Variants in ZNF629 observed in about 807,000 individuals in gnomAD.
ZNF629 encodes DNA-binding protein.
Under a neutral mutation model 59.7 loss-of-function variants are expected in ZNF629, and 9 were observed. That is an observed-to-expected ratio of 0.15 (90% CI 0.09 to 0.26). ZNF629 has a LOEUF of 0.26. Ranked by LOEUF, ZNF629 falls within the 10% of genes least tolerant of loss-of-function variation. The pLI is 1.00. For missense variants in ZNF629, 853 were observed against 1,165.4 expected, an observed-to-expected ratio of 0.73 and a Z score of 3.90; for synonymous variants, 509 against 498.9, an observed-to-expected ratio of 1.02 and a Z score of -0.27.
In ZNF629 at chr16:30,786,774, G is replaced by A. The variant is rs1000387459; in HGVS notation, c.-34+254C>T. Among the ~76,000 whole-genome samples, 32 of 151,852 alleles carry A rather than the reference G, an allele frequency of 2.1e-4. No individual in the cohort carries two copies. The highest frequency in any genetic ancestry group is 7.0e-4 in the African/African-American group (29 of 41,346). On this transcript the variant is annotated intron_variant, in intron 1 of 2. Coordinates refer to ENST00000262525, the MANE Select transcript of ZNF629 (RefSeq NM_001080417.3). This position sits in a 1 kb window ranked among gnomAD's most constrained non-coding sequence, Gnocchi z 4.8. ...GCTCCTCCAGGGCTGCGCTGGCAGC[G>A]CTGGTCCCCGGCCCCGGCCGATCCC... is the stretch of plus-strand genomic sequence containing the variant.
Position 30,781,731 on chromosome 16 carries a change from C to A in ZNF629, c.2597G>T (p.Gly866Val), listed in dbSNP as rs780776546. The change falls in exon 3 of 3, where the codon GGT becomes GTT. Residue 866 changes from glycine to valine, a missense_variant. Physicochemically the swap from Gly to Val is moderately radical, Grantham distance 109. Coordinates refer to ENST00000262525, the MANE Select transcript of ZNF629 (RefSeq NM_001080417.3). ...ALLLHRSCHPGVSL is the reference protein window; with the variant it reads ...ALLLHRSCHPVVSL ...TCCAGACCCATTTCACAGGGAGACACCTGGGTGGCAGCTCCTATGGAGCAG... is the reference window on the plus strand; with the variant it reads ...TCCAGACCCATTTCACAGGGAGACAACTGGGTGGCAGCTCCTATGGAGCAG... 2 of 1,610,514 alleles carry A rather than the reference C, an allele frequency of 1.2e-6. No homozygotes were observed. Among genetic ancestry groups the A allele is most frequent in the Admixed American group, 1.7e-5 (1 of 59,484 alleles).
chr16:30,784,549 G>A, intron 1 of ZNF629, 34 bp from the exon 2 acceptor site: 7 of 1,456,244 alleles, frequency 4.8e-6, no homozygotes, highest in Non-Finnish European at 4.6e-6. Context: ...CGCACACTGG[G>A]AGCTGATTTT....
In ZNF629 at chr16:30,782,180, G is replaced by A. The variant is rs368778623; in HGVS notation, c.2148C>T (p.Cys716=). 76 of 1,613,388 alleles carry A rather than the reference G, an allele frequency of 4.7e-5. No individual in the cohort carries two copies. Among genetic ancestry groups the A allele is most frequent in the Non-Finnish European group, 6.4e-5 (76 of 1,179,878 alleles). The change falls in exon 3 of 3, where the codon TGC becomes TGT. Residue 716 remains cysteine, a synonymous_variant. Coordinates refer to ENST00000262525, the MANE Select transcript of ZNF629 (RefSeq NM_001080417.3). ...GGCCAAAGCTTTGTTTGCATTCAGG[G>A]CATTTAAAGGGCTTCCCACTTAAGA... ...SPFLSGKPFK[C]PECKQSFGLS... is the part of the protein sequence containing the mutation.
In ZNF629 at chr16:30,779,191, A is replaced by T. The variant is rs1212623611; in HGVS notation, c.*2527T>A. 6.6e-6 allele frequency: 1 copy of T among 152,238 alleles called. No individual in the cohort carries two copies. The highest frequency in any genetic ancestry group is 1.5e-5 in the Non-Finnish European group (1 of 68,094). The allele number at this position is 152,238 out of a possible 1,614,324, so 9.4% of individuals were successfully genotyped here. On this transcript the variant is annotated 3_prime_UTR_variant, in exon 3 of 3. Coordinates refer to ENST00000262525, the MANE Select transcript of ZNF629 (RefSeq NM_001080417.3). ...TCACCCATCCCTACAACATGTGAGC[A>T]TCCTACTAAATATGCTACACCCTAG...
At position 30,784,520 on chromosome 16, in the gene ZNF629, G is replaced by T; in HGVS notation, c.-33-5C>A. 6.6e-7 allele frequency: 1 copy of T among 1,504,818 alleles called. No individual in the cohort carries two copies. The highest frequency in any genetic ancestry group is 8.9e-7 in the Non-Finnish European group (1 of 1,129,248). The allele number at this position is 1,504,818 out of a possible 1,614,324, so 93.2% of individuals were successfully genotyped here. ...GACTGCAGTGTTCCAGGGACCCTGC[G>T]GGGGAAGACAGCGATGAGCGCACAC... On this transcript the variant is annotated splice_region_variant and splice_polypyrimidine_tract_variant and intron_variant, in intron 1 of 2. Coordinates refer to ENST00000262525, the MANE Select transcript of ZNF629 (RefSeq NM_001080417.3).
Position 30,783,920 on chromosome 16 carries a change from C to A in ZNF629, c.408G>T (p.Arg136=), listed in dbSNP as rs773087553. Reference sequence around the variant, plus strand: ...CCGCCGGGCGGCCCTGCACCAGCTCCCGCAGGCTGGGCTCGTTGGCGGGGA... The same window carrying A: ...CCGCCGGGCGGCCCTGCACCAGCTCACGCAGGCTGGGCTCGTTGGCGGGGA... ...PVVPANEPSL[R]ELVQGRPAGA... is the part of the protein sequence containing the mutation. The change falls in exon 3 of 3, where the codon CGG becomes CGT. Residue 136 remains arginine, a synonymous_variant. Coordinates refer to ENST00000262525, the MANE Select transcript of ZNF629 (RefSeq NM_001080417.3). The A allele has an allele frequency of 8.8e-6, 14 of 1,594,904 alleles. No homozygotes were observed. The highest frequency in any genetic ancestry group is 1.2e-5 in the Non-Finnish European group (14 of 1,169,998).
chr16:30,784,410 C>A lies in ZNF629; in HGVS notation c.73G>T (p.Gly25Cys). 1 of 1,566,850 alleles carries A rather than the reference C, an allele frequency of 6.4e-7. No homozygotes were observed. The highest frequency in any genetic ancestry group is 1.4e-5 in the African/African-American group (1 of 73,934). ...CGCAGCCCCTTCTTGTGCCCCTCAC[C>A]TCTGTGAGCATCGTTGGGGCTCTGT... ...PEQSPNDAHR[G>C]AESENEEESP... The change falls in exon 2 of 3, where the codon GGT becomes TGT. Residue 25 changes from glycine to cysteine, a missense_variant and splice_region_variant. By Grantham distance (159) the Gly-to-Cys change is radical (BLOSUM62 -3). Coordinates refer to ENST00000262525, the MANE Select transcript of ZNF629 (RefSeq NM_001080417.3).
chr16:30,783,990 C>G lies in ZNF629; in HGVS notation c.338G>C (p.Ser113Thr), dbSNP rs762503255. 5.7e-5 allele frequency: 89 copies of G among 1,574,634 alleles called. No homozygotes were observed. Among genetic ancestry groups the G allele is most frequent in the East Asian group, 1.1e-4 (5 of 44,228 alleles). The change falls in exon 3 of 3, where the codon AGC (serine) becomes ACC (threonine). Residue 113 changes from serine (S) to threonine (T), a missense_variant. Around this residue, in one of 3 missense-constraint regions of ZNF629, gnomAD observed 232 missense variants for 193.4 expected, o/e 1.20. Transcript: ENST00000262525. The part of the protein sequence containing the change: ...PSDWTKACEA[S>T]WQWGALTTWN... ...TGTGGTGAGAGCGCCCCACTGCCAGCTGGCCTCGCAGGCCTTGGTCCAGTC... is the reference window on the plus strand; with the variant it reads ...TGTGGTGAGAGCGCCCCACTGCCAGGTGGCCTCGCAGGCCTTGGTCCAGTC...
In ZNF629 at chr16:30,782,693, C is replaced by T. The variant is rs2054295047; in HGVS notation, c.1635G>A (p.Arg545=). Reference sequence around the variant, plus strand: ...GCCCCAGCAGGCTGTCGCCCTGGGCCCTACGCGCTGGGGTCTTCCCCCTCT... The same window carrying T: ...GCCCCAGCAGGCTGTCGCCCTGGGCTCTACGCGCTGGGGTCTTCCCCCTCT... ...IHERGKTPAR[R]AQGDSLLGLG... Residue 545 remains arginine, a synonymous_variant, in exon 3 of 3, where the codon AGG becomes AGA. Coordinates refer to ENST00000262525, the MANE Select transcript of ZNF629 (RefSeq NM_001080417.3). 3 of 1,608,204 alleles carry T rather than the reference C, an allele frequency of 1.9e-6. No individual in the cohort carries two copies. Among genetic ancestry groups the T allele is most frequent in the Non-Finnish European group, 2.5e-6 (3 of 1,177,702 alleles).
In ZNF629 at chr16:30,781,773, G is replaced by A. The variant is rs979625449; in HGVS notation, c.2555C>T (p.Thr852Ile). ...YLCPECGAGF[T>I]EVAALLLHRS... ...ATGGAGCAGGAGGGCTGCGACTTCT[G>A]TGAAGCCGGCTCCACACTCGGGGCA... Residue 852 changes from threonine to isoleucine, a missense_variant, in exon 3 of 3, where the codon ACA becomes ATA. Physicochemically the swap from Thr to Ile is moderately conservative, Grantham distance 89. Coordinates refer to ENST00000262525, the MANE Select transcript of ZNF629 (RefSeq NM_001080417.3). 5.0e-6 allele frequency: 8 copies of A among 1,612,568 alleles called. No individual in the cohort carries two copies. Among genetic ancestry groups the A allele is most frequent in the African/African-American group, 1.3e-5 (1 of 74,836 alleles).
rs559048471 is a variant in ZNF629, at chr16:30,781,697, C to T, written c.*21G>A. Reference sequence around the variant, plus strand: ...GTGTTCCTCTCTGGAGAGAGCGAGGCCCCTGGTCTCCAGACCCATTTCACA... The same window carrying T: ...GTGTTCCTCTCTGGAGAGAGCGAGGTCCCTGGTCTCCAGACCCATTTCACA... On this transcript the variant is annotated 3_prime_UTR_variant, in exon 3 of 3. Transcript: ENST00000262525. 8 of 1,580,302 alleles carry T rather than the reference C, an allele frequency of 5.1e-6. No homozygotes were observed. Among genetic ancestry groups the T allele is most frequent in the Admixed American group, 3.8e-5 (2 of 53,292 alleles).
At position 30,784,009 on chromosome 16, in the gene ZNF629, T is replaced by C; in HGVS notation, c.319A>G (p.Thr107Ala). ...PEVVPTPSDWTKACEASWQWG... is the reference protein window; with the variant it reads ...PEVVPTPSDWAKACEASWQWG... ...TGCCAGCTGGCCTCGCAGGCCTTGGTCCAGTCAGATGGGGTAGGGACTACC... is the reference window on the plus strand; with the variant it reads ...TGCCAGCTGGCCTCGCAGGCCTTGGCCCAGTCAGATGGGGTAGGGACTACC... The change falls in exon 3 of 3, where the codon ACC becomes GCC. Residue 107 changes from threonine (T) to alanine (A), a missense_variant. By Grantham distance (58) the Thr-to-Ala change is moderately conservative (BLOSUM62 0). This residue lies in a region of ZNF629 where 232 missense variants were observed against 193.4 expected (regional missense o/e 1.20). Coordinates refer to ENST00000262525, the MANE Select transcript of ZNF629 (RefSeq NM_001080417.3). The C allele has an allele frequency of 6.4e-7, 1 of 1,574,430 alleles. No homozygotes were observed. The highest frequency in any genetic ancestry group is 8.6e-7 in the Non-Finnish European group (1 of 1,161,064).
chr16:30,783,892 C>T lies in ZNF629; in HGVS notation c.436G>A (p.Ala146Thr). Residue 146 changes from alanine (A) to threonine (T), a missense_variant, in exon 3 of 3, where the codon GCG becomes ACG. By Grantham distance (58) the Ala-to-Thr change is moderately conservative. This residue lies in a region of ZNF629 where 232 missense variants were observed against 193.4 expected (regional missense o/e 1.20). Transcript: ENST00000262525. ...TCGTTGCAGATGTAGGGCTTCTCCG[C>T]CCCCGCCGGGCGGCCCTGCACCAGC... ...RELVQGRPAG[A>T]EKPYICNECG... is the part of the protein sequence containing the mutation. 1 of 1,600,444 alleles carries T rather than the reference C, an allele frequency of 6.2e-7. No homozygotes were observed. The highest frequency in any genetic ancestry group is 8.5e-7 in the Non-Finnish European group (1 of 1,172,512).
In ZNF629 at chr16:30,784,023, G is replaced by A. The variant is rs1190135918; in HGVS notation, c.305C>T (p.Thr102Ile). Residue 102 changes from threonine (T) to isoleucine (I), a missense_variant, in exon 3 of 3, where the codon ACC becomes ATC. Thr to Ile is a moderately conservative substitution (Grantham distance 89). This residue lies in a region of ZNF629 where 232 missense variants were observed against 193.4 expected (regional missense o/e 1.20). Coordinates refer to ENST00000262525, the MANE Select transcript of ZNF629 (RefSeq NM_001080417.3). Reference protein sequence around the residue: ...LDPPAPEVVPTPSDWTKACEA... With the variant: ...LDPPAPEVVPIPSDWTKACEA... ...GCAGGCCTTGGTCCAGTCAGATGGG[G>A]TAGGGACTACCTCCGGGGCTGGGGG... 2 of 1,576,800 alleles carry A rather than the reference G, an allele frequency of 1.3e-6. No homozygotes were observed. Among genetic ancestry groups the A allele is most frequent in the African/African-American group, 1.3e-5 (1 of 74,262 alleles).
Position 30,783,407 on chromosome 16 carries a change from C to T in ZNF629, c.921G>A (p.Lys307=), listed in dbSNP as rs780743009. 1.2e-6 allele frequency: 2 copies of T among 1,613,054 alleles called. No homozygotes were observed. The highest frequency in any genetic ancestry group is 1.1e-5 in the South Asian group (1 of 91,040). ...TCTCGCCCGCGTGGATCTTCTGGTG[C>T]TTGAGGAGGTTGTGGTTCTGGCCGA... ...KRFGQNHNLL[K]HQKIHAGEKP... is the part of the protein sequence containing the mutation. The change falls in exon 3 of 3, where the codon AAG becomes AAA. Residue 307 remains lysine, a synonymous_variant. Coordinates refer to ENST00000262525, the MANE Select transcript of ZNF629 (RefSeq NM_001080417.3).
rs1383907413 is a variant in ZNF629, at chr16:30,783,078, AG to A, written c.1249del (p.Leu417SerfsTer25). The A allele has an allele frequency of 6.2e-7, 1 of 1,613,832 alleles. No individual in the cohort carries two copies. Among genetic ancestry groups the A allele is most frequent in the Admixed American group, 1.7e-5 (1 of 59,986 alleles). On this transcript the variant is annotated frameshift_variant, in exon 3 of 3. Transcript: ENST00000262525. LOFTEE classifies it high-confidence loss of function. ...GCGGTGGATGCGCTGGTGGTTGATG[AG>A]GTTGGAGCTGACGCTGAAGCTCTTG... ...CGKSFSVSSNLINHQRIHRGE... is the reference protein window; with the variant it reads ...CGKSFSVSSNXINHQRIHRGE...
chr16:30,785,241 C>A (rs2054321878), intron 1 of ZNF629, among the ~76,000 whole-genome samples: 1 of 152,202 alleles, frequency 6.6e-6, no homozygotes, highest in Non-Finnish European at 1.5e-5. Flanking sequence ...TTCTCTCACC[C>A]AGTCCTCCCA....
rs1394834934 is a variant in ZNF629 at position 30,786,332 on chromosome 16, TCGGGACA to T, written c.-34+689_-34+695del. On this transcript the variant is annotated intron_variant, in intron 1 of 2. Coordinates refer to ENST00000262525, the MANE Select transcript of ZNF629 (RefSeq NM_001080417.3). This position sits in a 1 kb window ranked among gnomAD's most constrained non-coding sequence, Gnocchi z 4.8. ...GGGAAGGATGCCCTGCTGTGTTTGC[TCGGGACA>T]GGTAAGAGTTTGTGGACCTCGATGG... Among the ~76,000 whole-genome samples the T allele has an allele frequency of 6.6e-6, 1 of 152,074 alleles. No homozygotes were observed. The highest frequency in any genetic ancestry group is 1.5e-5 in the Non-Finnish European group (1 of 67,998).
Position 30,782,084 on chromosome 16 carries a change from C to T in ZNF629, c.2244G>A (p.Leu748=), listed in dbSNP as rs2054286652. 1.3e-6 allele frequency: 2 copies of T among 1,583,272 alleles called. No homozygotes were observed. The highest frequency in any genetic ancestry group is 2.3e-5 in the South Asian group (2 of 87,058). ...CCAGGAGGACGGAAGAGCTCTTCCC[C>T]AGCTCTGGACTCTTCTGGGAGCTCT... is the stretch of plus-strand genomic sequence containing the variant. ...GGKSSQKSPE[L]GKSSSVLLEH... is the part of the protein sequence containing the mutation. Residue 748 remains leucine (L), a synonymous_variant, in exon 3 of 3, where the codon CTG becomes CTA. Coordinates refer to ENST00000262525, the MANE Select transcript of ZNF629 (RefSeq NM_001080417.3).
Sources: gnomAD v4.1 joint callset for allele counts (sites outside exome capture counted in the v4.1 genomes callset) on GRCh38, gnomAD v4.1.1 for gene constraint, gnomAD v4.1.1 regional missense constraint, Gnocchi (gnomAD v3.1) non-coding constraint, MANE v1.5 for transcripts, NCBI Gene and HGNC (gene_info 2026-07-23, HGNC 2026-07-21) for gene names.